CUL5: variants seen among roughly 807,000 people sequenced by gnomAD.
CUL5 encodes the protein cullin-5.
CUL5 carries 26 observed loss-of-function variants against 108.8 expected under a neutral mutation model. The ratio of observed to expected loss-of-function variants is 0.24; its 90% CI spans 0.18 to 0.33. The LOEUF is 0.33. Ranked by LOEUF, CUL5 falls within the 10% of genes least tolerant of loss-of-function variation. The probability of loss-of-function intolerance (pLI) is 1.00; values close to 1 mark genes in which losing one functional copy is unlikely to be tolerated. For synonymous variants in CUL5, 334 were observed against 298.0 expected, an observed-to-expected ratio of 1.12 and a Z score of -1.25; for missense variants, 524 against 909.2, an observed-to-expected ratio of 0.58 and a Z score of 5.45.
chr11:108,094,587 A>G, intron 14 of CUL5, 73 bp downstream of exon 14: 1 of 991,052 alleles, frequency 1.0e-6, no homozygotes, highest in East Asian at 2.9e-5. Context: ...TAAATTAAAA[A>G]TAAACCTCAG....
chr11:108,049,725 C>T (rs773045827), intron 3 of CUL5, among the ~76,000 whole-genome samples, 165 bp from the exon 4 acceptor site: 2 of 151,904 alleles, frequency 1.3e-5, no homozygotes, highest in Non-Finnish European at 2.9e-5. Context: ...CTGCTGTGAA[C>T]ATTCGTGTAC....
intron 1 of CUL5, among the ~76,000 whole-genome samples, chr11:108,013,886 C>A (rs982935919): frequency 6.6e-6 from 1 of 151,978 alleles, no homozygotes; most frequent in Non-Finnish European, 1.5e-5. Flanking sequence ...AAGACCCTGT[C>A]TCTATAAAAC....
intron 18 of CUL5, among the ~76,000 whole-genome samples, chr11:108,102,103 C>T (rs1014307081): frequency 1.3e-5 from 2 of 152,042 alleles, no homozygotes; most frequent in African/African-American, 4.8e-5. Context: ...CTCACTACAA[C>T]CTCCACCTCC....
chr11:108,080,287 C>A (rs1306035497), intron 11 of CUL5, among the ~76,000 whole-genome samples: 1 of 151,786 alleles, frequency 6.6e-6, no homozygotes, highest in Non-Finnish European at 1.5e-5. Flanking sequence ...TGAGGTCTTG[C>A]TGCGTTGCTC....
intron 2 of CUL5, among the ~76,000 whole-genome samples, chr11:108,042,779 T>A (rs1330614591): frequency 6.6e-6 from 1 of 152,106 alleles, no homozygotes; most frequent in East Asian, 1.9e-4. Context: ...TTTTTCTTTT[T>A]TGAGACAGAG....
chr11:108,037,599 G>A (rs1233973442), intron 2 of CUL5, among the ~76,000 whole-genome samples: 3 of 152,194 alleles, frequency 2.0e-5, no homozygotes, highest in South Asian at 4.1e-4. Context: ...CACACATTAA[G>A]CTTAATCCTC....
At chr11:108,100,813 A>G (rs1864642603) in intron 18 of CUL5, among the ~76,000 whole-genome samples, 1 of 152,112 alleles carries the variant, frequency 6.6e-6, no homozygotes, top group African/African-American at 2.4e-5. Context: ...GGTGGATCAC[A>G]AGGCCAGGAG....
intron 12 of CUL5, 138 bp from the exon 13 acceptor site, chr11:108,089,354 T>A: frequency 2.0e-6 from 1 of 503,686 alleles, no homozygotes; most frequent in South Asian, 3.8e-5. Flanking sequence ...TTCTCAGAGA[T>A]GGATAATTCA....
intron 16 of CUL5, 67 bp downstream of exon 16, chr11:108,095,758 T>A (rs1051608026): frequency 2.3e-5 from 30 of 1,306,520 alleles, no homozygotes; most frequent in Middle Eastern, 3.8e-4. Flanking sequence ...ATGATTGGCT[T>A]GTAATATATT....
At chr11:108,076,228 C>A (rs1863937349) in intron 10 of CUL5, among the ~76,000 whole-genome samples, 1 of 151,660 alleles carries the variant, frequency 6.6e-6, no homozygotes, top group African/African-American at 2.4e-5. Flanking sequence ...GAGATGAGTT[C>A]TCAGTATGTT....
intron 7 of CUL5, among the ~76,000 whole-genome samples, chr11:108,069,730 A>G (rs1228549303): frequency 2.0e-5 from 3 of 152,170 alleles, no homozygotes. Context: ...GGCATCCAAT[A>G]ATGGTTTGTT....
Position 108,089,589 on chromosome 11 carries a change from G to A in CUL5, c.1409G>A (p.Ser470Asn). 5 of 1,550,552 alleles carry A rather than the reference G, an allele frequency of 3.2e-6. No homozygotes were observed. The highest frequency in any genetic ancestry group is 4.3e-6 in the Non-Finnish European group (5 of 1,158,224). ...RRLILDISAD[S>N]EIEENMVEWL... is the part of the protein sequence containing the mutation. ...CTTATATTAGACATCTCTGCCGATA[G>A]TGAAATTGAAGAAAACATGGTAGAG... The change falls in exon 13 of 19, where the codon AGT becomes AAT. Residue 470 changes from serine (S) to asparagine (N), a missense_variant. Around this residue, in one of 8 missense-constraint regions of CUL5, gnomAD observed 76 missense variants for 168.3 expected, o/e 0.45. Transcript: ENST00000393094.
At chr11:108,071,307 C>T (rs373697712) in intron 8 of CUL5, among the ~76,000 whole-genome samples, 2 of 152,112 alleles carry the variant, frequency 1.3e-5, no homozygotes, top group South Asian at 2.1e-4. Context: ...GTTGCCCAAC[C>T]TGGAATTCGA....
In CUL5 at chr11:108,039,584, G is replaced by A. The variant is rs115311547; in HGVS notation, c.134+5673G>A. ...CATCAACACAGTCCATTCCCCAAAC[G>A]CTTCATCATCAGAAACAGAAGCTCT... is the stretch of plus-strand genomic sequence containing the variant. On this transcript the variant is annotated intron_variant, in intron 2 of 18. Coordinates refer to ENST00000393094, the MANE Select transcript of CUL5 (RefSeq NM_003478.6). 9.9e-3 allele frequency among the ~76,000 whole-genome samples: 1,509 copies of A among 152,174 alleles called. 31 individuals are homozygous for A. The highest frequency in any genetic ancestry group is 0.034 in the African/African-American group (1,429 of 41,506).
chr11:108,032,767 C>T (rs1481676510), intron 1 of CUL5, among the ~76,000 whole-genome samples: 1 of 151,886 alleles, frequency 6.6e-6, no homozygotes, highest in Non-Finnish European at 1.5e-5. Context: ...GTAAGATTGG[C>T]CTGGAGTTTC....
chr11:108,072,506 A>C lies in CUL5; in HGVS notation c.1005+44A>C, dbSNP rs749871317. ...GCAATGATAGATATATATCAAGGCT[A>C]TTTTTTAAATGTAGGATTATTGAAA... On this transcript the variant is annotated intron_variant, in intron 9 of 18. Coordinates refer to ENST00000393094, the MANE Select transcript of CUL5 (RefSeq NM_003478.6). 2.6e-6 allele frequency: 4 copies of C among 1,517,206 alleles called. No individual in the cohort carries two copies. In the Admixed American group the frequency reaches 7.5e-5, roughly 29 times the overall value. 94.0% of individuals were successfully genotyped at this position (1,517,206 alleles called of 1,614,324 possible).
At position 108,106,667 on chromosome 11, in the gene CUL5, C is replaced by T. The variant is rs1424545467; in HGVS notation, c.*2283C>T. ...TTTAAGTAATTTAACAACAGATTTG[C>T]TAATTTAAAAAAAAATGAAAAAAAA... On this transcript the variant is annotated 3_prime_UTR_variant, in exon 19 of 19. Transcript: ENST00000393094. 1 of 146,804 alleles carries T rather than the reference C, an allele frequency of 6.8e-6. No individual in the cohort carries two copies. Among genetic ancestry groups the T allele is most frequent in the Non-Finnish European group, 1.5e-5 (1 of 67,022 alleles). The allele number at this position is 146,804 out of a possible 1,614,324, so 9.1% of individuals were successfully genotyped here. A position where few individuals can be genotyped will look rare whatever the true frequency, so the allele number is the denominator to read the frequency against.
chr11:108,075,739 A>G (rs146734335), intron 10 of CUL5, among the ~76,000 whole-genome samples: 30 of 152,202 alleles, frequency 2.0e-4, no homozygotes, highest in African/African-American at 6.5e-4. Flanking sequence ...ACATCTAGCT[A>G]TGTTGTTTGG....
chr11:108,076,006 T>C (rs1863933101), intron 10 of CUL5, among the ~76,000 whole-genome samples: 1 of 152,050 alleles, frequency 6.6e-6, no homozygotes, highest in Non-Finnish European at 1.5e-5. Flanking sequence ...CAATATACAG[T>C]ATAATTTGAA....
Sources: allele counts gnomAD v4.1 joint callset (sites outside exome capture counted in the v4.1 genomes callset), GRCh38; gene constraint gnomAD v4.1.1; regional missense constraint gnomAD v4.1.1; transcripts MANE v1.5; gene names NCBI Gene and HGNC (gene_info 2026-07-23, HGNC 2026-07-21).